The following SPATA6 variants were observed in gnomAD, a reference collection of about 807,000 sequenced individuals.
SPATA6 encodes the protein spermatogenesis-associated protein 6.
SPATA6 carries 56 observed loss-of-function variants against 65.3 expected under a neutral mutation model. The ratio of observed to expected loss-of-function variants is 0.86; its 90% CI spans 0.69 to 1.07. SPATA6 has a LOEUF of 1.07. Ranked by LOEUF, SPATA6 falls within the 50% of genes least tolerant of loss-of-function variation. The pLI is 0.00. For synonymous variants in SPATA6, 199 were observed against 213.2 expected, an observed-to-expected ratio of 0.93 and a Z score of 0.58; for missense variants, 590 against 594.8, an observed-to-expected ratio of 0.99 and a Z score of 0.08.
chr1:48,377,766 G>A (rs1023093335), intron 9 of SPATA6, among the ~76,000 whole-genome samples: 5 of 152,154 alleles, frequency 3.3e-5, no homozygotes, highest in South Asian at 2.1e-4. Context: ...GCAGGGGAAC[G>A]GAACAGAGTA....
At chr1:48,429,279 C>T (rs1654180565) in intron 3 of SPATA6, among the ~76,000 whole-genome samples, 1 of 152,154 alleles carries the variant, frequency 6.6e-6, no homozygotes, top group Admixed American at 6.6e-5. Context: ...AATTCTTCTT[C>T]CCTCTTTTAT....
intron 3 of SPATA6, among the ~76,000 whole-genome samples, chr1:48,449,352 AACAATCAGATAT>A (rs1253560182): frequency 6.6e-6 from 1 of 152,160 alleles, no homozygotes; most frequent in African/African-American, 2.4e-5. Flanking sequence ...CTAAACGTAA[AACAATCAGATAT>A]TTTATGCAAC....
rs572876617 is a variant in SPATA6 at position 48,296,301 on chromosome 1, C to T, written c.*2412G>A. The T allele has an allele frequency of 4.1e-4, 62 of 152,240 alleles. No individual in the cohort carries two copies. The highest frequency in any genetic ancestry group is 1.5e-3 in the African/African-American group (61 of 41,544). 9.4% of individuals were successfully genotyped at this position (152,240 alleles called of 1,614,324 possible). A position where few individuals can be genotyped will look rare whatever the true frequency, so the allele number is the denominator to read the frequency against. ...TAGTAGTAGTTACAGCAACATGGAC[C>T]ACTCTTTCCTCCTAGGGGATAGAAG... On this transcript the variant is annotated 3_prime_UTR_variant, in exon 13 of 13. Coordinates refer to ENST00000371847, the MANE Select transcript of SPATA6 (RefSeq NM_019073.4).
intron 11 of SPATA6, among the ~76,000 whole-genome samples, chr1:48,354,175 T>C (rs1646591170): frequency 6.6e-6 from 1 of 151,950 alleles, no homozygotes. Flanking sequence ...CTTATCAAAA[T>C]GCCAAAAGAA....
intron 1 of SPATA6, among the ~76,000 whole-genome samples, chr1:48,459,221 A>AAAAAAG (rs1657241904): frequency 6.6e-6 from 1 of 151,170 alleles, no homozygotes; most frequent in African/African-American, 2.4e-5. Context: ...AAAAAAAAAA[A>AAAAAAG]AAAAGAACGT....
chr1:48,323,752 A>AG (rs144447967), intron 11 of SPATA6, among the ~76,000 whole-genome samples: 3,732 of 151,878 alleles, frequency 0.025, 98 homozygotes, highest in African/African-American at 0.067. Context: ...TGGAAAACCT[A>AG]AAAAAAATGT....
chr1:48,466,829 G>A (rs1657846525), intron 1 of SPATA6, among the ~76,000 whole-genome samples: 1 of 152,036 alleles, frequency 6.6e-6, no homozygotes, highest in African/African-American at 2.4e-5. Flanking sequence ...AAAGAAGCCA[G>A]ATCTGTCTGC....
chr1:48,272,355 C>G, the SPATA6 span, among the ~76,000 whole-genome samples: 1 of 152,094 alleles, frequency 6.6e-6, no homozygotes, highest in Admixed American at 6.6e-5. Context: ...TTCCTTCTCC[C>G]CTCAATCCCT....
chr1:48,388,422 G>A (rs1217733783), intron 8 of SPATA6, among the ~76,000 whole-genome samples: 1 of 151,914 alleles, frequency 6.6e-6, no homozygotes, highest in African/African-American at 2.4e-5. Flanking sequence ...TAAGGACAAA[G>A]AAAAAATGAA....
Position 48,297,306 on chromosome 1 carries a change from T to C in SPATA6, c.*1407A>G, listed in dbSNP as rs892319322. On this transcript the variant is annotated 3_prime_UTR_variant, in exon 13 of 13. Transcript: ENST00000371847. ...TACTACATTCTTATCATTTGATAGC[T>C]GAGGAAACAAAGGATCTGAGAATTA... 1.3e-5 allele frequency: 2 copies of C among 152,204 alleles called. No individual in the cohort carries two copies. Among genetic ancestry groups the C allele is most frequent in the Admixed American group, 6.6e-5 (1 of 15,266 alleles). 9.4% of individuals were successfully genotyped at this position (152,204 alleles called of 1,614,324 possible). A position where few individuals can be genotyped will look rare whatever the true frequency, so the allele number is the denominator to read the frequency against.
chr1:48,354,836 AGGTAGTT>A (rs1305935660), intron 11 of SPATA6, among the ~76,000 whole-genome samples: 1 of 152,102 alleles, frequency 6.6e-6, no homozygotes, highest in Non-Finnish European at 1.5e-5. Flanking sequence ...TTGATCTGGT[AGGTAGTT>A]TACATGAGAC....
At chr1:48,368,130 C>G (rs929504915) in intron 9 of SPATA6, among the ~76,000 whole-genome samples, 1 of 152,208 alleles carries the variant, frequency 6.6e-6, no homozygotes, top group East Asian at 1.9e-4. Context: ...GGCCCCCACT[C>G]TCTCCTGGCT....
At chr1:48,446,641 A>C (rs1656077410) in intron 3 of SPATA6, among the ~76,000 whole-genome samples, 3 of 152,244 alleles carry the variant, frequency 2.0e-5, no homozygotes, top group African/African-American at 7.2e-5. Context: ...GAATTTGGTT[A>C]GGTGCAATAA....
intron 11 of SPATA6, among the ~76,000 whole-genome samples, chr1:48,352,691 C>G (rs1557599699): frequency 6.6e-6 from 1 of 151,584 alleles, no homozygotes; most frequent in East Asian, 1.9e-4. Context: ...AAGAGTTTTC[C>G]AAAACAGATG....
intron 11 of SPATA6, among the ~76,000 whole-genome samples, chr1:48,337,808 T>C (rs1484048641): frequency 2.6e-5 from 4 of 151,904 alleles, no homozygotes; most frequent in African/African-American, 9.7e-5. Context: ...ATGAAAACTA[T>C]GTCAAATTAT....
the SPATA6 span, among the ~76,000 whole-genome samples, chr1:48,279,356 T>G: frequency 3.3e-5 from 5 of 152,306 alleles, no homozygotes; most frequent in East Asian, 1.9e-4. Flanking sequence ...GTAAATGGGC[T>G]AAATGCTCCA....
At chr1:48,261,509 G>A in the SPATA6 span, among the ~76,000 whole-genome samples, 1 of 151,868 alleles carries the variant, frequency 6.6e-6, no homozygotes, top group Admixed American at 6.6e-5. Context: ...TGATATTATT[G>A]TCTTTTCCAA....
At chr1:48,436,302 C>G in intron 3 of SPATA6, 1 of 1,613,452 alleles carries the variant, frequency 6.2e-7, no homozygotes, top group Non-Finnish European at 8.5e-7. Context: ...TTCTATCCCA[C>G]TTTTTCCGGC....
At chr1:48,385,258 T>C in intron 9 of SPATA6, 51 bp downstream of exon 9, 2 of 1,507,522 alleles carry the variant, frequency 1.3e-6, no homozygotes, top group East Asian at 2.3e-5. Context: ...TAGACTCATG[T>C]TGTTGTCTGA....
Sources: allele counts gnomAD v4.1 joint callset (sites outside exome capture counted in the v4.1 genomes callset), GRCh38; gene constraint gnomAD v4.1.1; transcripts MANE v1.5; gene names NCBI Gene and HGNC (gene_info 2026-07-23, HGNC 2026-07-21).